HS3ST2: variants seen among roughly 807,000 people sequenced by gnomAD.
HS3ST2 encodes the protein heparan sulfate-glucosamine 3-sulfotransferase 2, also known as heparan sulfate glucosamine 3-O-sulfotransferase 2.
HS3ST2 carries 17 observed loss-of-function variants against 26.3 expected under a neutral mutation model. The ratio of observed to expected loss-of-function variants is 0.65; its 90% confidence interval spans 0.44 to 0.97. The LOEUF is 0.97. Ranked by LOEUF, HS3ST2 falls within the 50% of genes least tolerant of loss-of-function variation. The pLI, the probability that HS3ST2 is intolerant of heterozygous loss-of-function variation, is 0.00. For synonymous variants in HS3ST2, 237 were observed against 219.2 expected, an observed-to-expected ratio of 1.08 and a Z score of -0.72; for missense variants, 402 against 501.2, an observed-to-expected ratio of 0.80 and a Z score of 1.89.
chr16:22,857,984 T>C (rs757362978), intron 1 of HS3ST2, among the ~76,000 whole-genome samples: 2 of 152,152 alleles, frequency 1.3e-5, no homozygotes, highest in Non-Finnish European at 1.5e-5. Context: ...GGTTGTTCTT[T>C]GATTCACTTT....
chr16:22,882,595 A>C (rs894284038), intron 1 of HS3ST2, among the ~76,000 whole-genome samples: 2 of 152,124 alleles, frequency 1.3e-5, no homozygotes, highest in Non-Finnish European at 2.9e-5. Flanking sequence ...TTAGCCGGGC[A>C]TGGTGGCATG....
At chr16:22,833,597 C>A in intron 1 of HS3ST2, 1 of 287,156 alleles carries the variant, frequency 3.5e-6, no homozygotes, top group Admixed American at 4.6e-5. Context: ...TGGGCTAGCC[C>A]ATGAGAGAAA....
chr16:22,847,900 G>C (rs1168096322), intron 1 of HS3ST2, among the ~76,000 whole-genome samples: 1 of 150,582 alleles, frequency 6.6e-6, no homozygotes, highest in East Asian at 1.9e-4. Flanking sequence ...AAGAGAGAAA[G>C]ACAAAGCAAG....
intron 1 of HS3ST2, among the ~76,000 whole-genome samples, chr16:22,846,214 T>C (rs62048141): frequency 0.046 from 7,028 of 151,796 alleles, 201 homozygotes; most frequent in Middle Eastern, 0.12. Context: ...GAGGCAGAGG[T>C]TGCAGTGAGC....
intron 1 of HS3ST2, among the ~76,000 whole-genome samples, chr16:22,847,708 G>C (rs1471201254): frequency 6.6e-6 from 1 of 151,598 alleles, no homozygotes; most frequent in Admixed American, 6.6e-5. Context: ...AAGCTATTAA[G>C]CCATAGAGTC....
intron 1 of HS3ST2, among the ~76,000 whole-genome samples, chr16:22,861,169 A>G (rs572920864): frequency 6.6e-6 from 1 of 152,176 alleles, no homozygotes; most frequent in East Asian, 1.9e-4. Flanking sequence ...GAGCCACTAT[A>G]CTCGGCCTAT....
At chr16:22,887,030 A>G (rs1200896773) in intron 1 of HS3ST2, among the ~76,000 whole-genome samples, 2 of 152,278 alleles carry the variant, frequency 1.3e-5, no homozygotes, top group African/African-American at 4.8e-5. Flanking sequence ...GGGATTACAG[A>G]CACAAGCCAC....
chr16:22,830,159 TAGG>T lies in HS3ST2; in HGVS notation c.485+15066_485+15068del, dbSNP rs879707314. 7.0e-3 allele frequency among the ~76,000 whole-genome samples: 1,068 copies of T among 152,268 alleles called. 9 individuals carry two copies. The highest frequency in any genetic ancestry group is 0.013 in the South Asian group (65 of 4,822). On this transcript the variant is annotated intron_variant, in intron 1 of 1. Transcript: ENST00000261374. ...TTGTGATGCTGTCACTGCTTCTCTG[TAGG>T]ATAGAAGCTCTCTGCAACTTGGTCA...
intron 1 of HS3ST2, among the ~76,000 whole-genome samples, chr16:22,899,400 T>C (rs1334892204): frequency 1.3e-5 from 2 of 152,156 alleles, no homozygotes; most frequent in Non-Finnish European, 2.9e-5. Flanking sequence ...ATGGTTTCTA[T>C]ATTCTCTGTG....
At chr16:22,825,089 T>C (rs1030732952) in intron 1 of HS3ST2, among the ~76,000 whole-genome samples, 6 of 152,114 alleles carry the variant, frequency 3.9e-5, no homozygotes, top group Non-Finnish European at 7.4e-5. Flanking sequence ...AGTTTCAGCA[T>C]AGCTATGAAA....
intron 1 of HS3ST2, among the ~76,000 whole-genome samples, chr16:22,824,161 T>C (rs967415732): frequency 9.2e-5 from 14 of 152,342 alleles, no homozygotes; most frequent in Admixed American, 5.2e-4. Flanking sequence ...TATTTTAATT[T>C]TGAGGCTCAT....
chr16:22,882,614 G>T (rs941391978), intron 1 of HS3ST2, among the ~76,000 whole-genome samples: 3 of 152,176 alleles, frequency 2.0e-5, no homozygotes, highest in African/African-American at 7.2e-5. Context: ...TGCGCCTATA[G>T]TCCCAGCTAC....
intron 1 of HS3ST2, among the ~76,000 whole-genome samples, chr16:22,899,848 C>T (rs1902260947): frequency 6.6e-6 from 1 of 152,228 alleles, no homozygotes; most frequent in African/African-American, 2.4e-5. Flanking sequence ...TTACCTCCCA[C>T]CAGGTCCCTC....
intron 1 of HS3ST2, among the ~76,000 whole-genome samples, chr16:22,817,729 G>A (rs538741550): frequency 1.3e-4 from 20 of 152,316 alleles, no homozygotes; most frequent in Admixed American, 1.1e-3. Context: ...TGCACCCATT[G>A]GAGTGGACTG....
At chr16:22,900,518 G>A (rs899770668) in intron 1 of HS3ST2, among the ~76,000 whole-genome samples, 2 of 152,156 alleles carry the variant, frequency 1.3e-5, no homozygotes, top group African/African-American at 4.8e-5. Context: ...AGAAGGGAGT[G>A]AGTGAGAGGT....
At chr16:22,820,221 A>T (rs1469444783) in intron 1 of HS3ST2, among the ~76,000 whole-genome samples, 1 of 152,032 alleles carries the variant, frequency 6.6e-6, no homozygotes, top group African/African-American at 2.4e-5. Context: ...CATGCTGTAG[A>T]TATAATACTT....
intron 1 of HS3ST2, among the ~76,000 whole-genome samples, chr16:22,840,835 T>C (rs1901341354): frequency 6.6e-6 from 1 of 152,128 alleles, no homozygotes; most frequent in Non-Finnish European, 1.5e-5. Flanking sequence ...TTATTATACT[T>C]TAAGTTTTAG....
chr16:22,826,338 C>T (rs1901085948), intron 1 of HS3ST2, among the ~76,000 whole-genome samples: 1 of 152,080 alleles, frequency 6.6e-6, no homozygotes, highest in African/African-American at 2.4e-5. Context: ...ATTCTTCCCC[C>T]AGAGCATCTC....
intron 1 of HS3ST2, among the ~76,000 whole-genome samples, chr16:22,821,414 T>C (rs1009052947): frequency 1.3e-5 from 2 of 151,342 alleles, no homozygotes; most frequent in Non-Finnish European, 2.9e-5. Flanking sequence ...GAATCATTCC[T>C]GTATGATCGA....
Sources: allele counts gnomAD v4.1 joint callset (sites outside exome capture counted in the v4.1 genomes callset), GRCh38; gene constraint gnomAD v4.1.1; transcripts MANE v1.5; gene names NCBI Gene and HGNC (gene_info 2026-07-23, HGNC 2026-07-21).